Variants in STAG1 observed in about 807,000 individuals in gnomAD.
The protein encoded by STAG1 is cohesin subunit SA-1.
In STAG1, 26 loss-of-function variants were observed where a neutral mutation model predicts 170.9. The ratio of observed to expected loss-of-function variants is 0.15; its 90% CI spans 0.11 to 0.21. The LOEUF is 0.21. Ranked by LOEUF, STAG1 falls within the 10% of genes least tolerant of loss-of-function variation. The pLI is 1.00. For synonymous variants in STAG1, 514 were observed against 497.7 expected, an observed-to-expected ratio of 1.03 and a Z score of -0.44; for missense variants, 964 against 1,509.5, an observed-to-expected ratio of 0.64 and a Z score of 5.99.
chr3:136,494,237 C>G (rs757877663), intron 9 of STAG1, among the ~76,000 whole-genome samples: 25 of 152,094 alleles, frequency 1.6e-4, no homozygotes, highest in Non-Finnish European at 2.5e-4. Flanking sequence ...TGCCACTGCA[C>G]TCCAGGCAGG....
In STAG1 at chr3:136,551,428, A is replaced by ATTTTTTTT. The variant is rs57299539; in HGVS notation, c.395-9241_395-9234dup. ...AGGCAGGCATCAATACATCTGGCTA[A>ATTTTTTTT]TTTTTTTTTTTTTTTGGCAGGGGGA... On this transcript the variant is annotated intron_variant, in intron 5 of 33. Coordinates refer to ENST00000383202, the MANE Select transcript of STAG1 (RefSeq NM_005862.3). 5.5e-3 allele frequency among the ~76,000 whole-genome samples: 643 copies of ATTTTTTTT among 117,458 alleles called. 31 individuals are homozygous for ATTTTTTTT. The highest frequency in any genetic ancestry group is 0.018 in the African/African-American group (545 of 29,792). 77.1% of individuals were successfully genotyped at this position (117,458 alleles called of 152,430 possible).
chr3:136,748,734 G>A (rs1015338121), intron 1 of STAG1, among the ~76,000 whole-genome samples: 1 of 152,040 alleles, frequency 6.6e-6, no homozygotes, highest in African/African-American at 2.4e-5. Context: ...TTTTTAAAAA[G>A]GTGTTCTTAG....
chr3:136,400,081 T>A (rs1436650015), intron 21 of STAG1, among the ~76,000 whole-genome samples: 1 of 151,394 alleles, frequency 6.6e-6, no homozygotes, highest in Non-Finnish European at 1.5e-5. Context: ...CACCACCACA[T>A]CTGGTTAATT....
intron 14 of STAG1, among the ~76,000 whole-genome samples, chr3:136,444,090 T>C (rs571465849): frequency 7.9e-5 from 12 of 152,252 alleles, no homozygotes; most frequent in African/African-American, 2.2e-4. Flanking sequence ...TTTTTTTTTT[T>C]TGAGATGGAG....
chr3:136,626,776 T>C (rs1168164597), intron 2 of STAG1, among the ~76,000 whole-genome samples: 1 of 152,188 alleles, frequency 6.6e-6, no homozygotes, highest in Non-Finnish European at 1.5e-5. Context: ...AAAAACCTTG[T>C]AAGAAGCATG....
chr3:136,565,043 A>C (rs1395537757), intron 5 of STAG1, among the ~76,000 whole-genome samples: 1 of 6,882 alleles, frequency 1.5e-4, no homozygotes, highest in Non-Finnish European at 2.5e-4. Flanking sequence ...GGCAGGCAGA[A>C]GGGAGGGAGG....
At chr3:136,406,384 C>T (rs1009749433) in intron 21 of STAG1, among the ~76,000 whole-genome samples, 1 of 152,100 alleles carries the variant, frequency 6.6e-6, no homozygotes, top group African/African-American at 2.4e-5. Context: ...CACTGATGTC[C>T]AGGAGCTTCA....
At chr3:136,604,560 C>G in intron 3 of STAG1, 87 bp from the exon 4 acceptor site, 1 of 1,163,770 alleles carries the variant, frequency 8.6e-7, no homozygotes, top group Non-Finnish European at 1.2e-6. Context: ...AAATATAATC[C>G]CTAACCAAAA....
chr3:136,435,915 G>A (rs937946890), intron 15 of STAG1, among the ~76,000 whole-genome samples: 8 of 151,876 alleles, frequency 5.3e-5, no homozygotes, highest in Non-Finnish European at 1.0e-4. Flanking sequence ...TGATCCACCC[G>A]TCTTGGCCTA....
At chr3:136,445,786 T>C (rs2088761110) in intron 14 of STAG1, among the ~76,000 whole-genome samples, 1 of 152,232 alleles carries the variant, frequency 6.6e-6, no homozygotes, top group Admixed American at 6.5e-5. Context: ...TTCTGGTTTA[T>C]CTTGTACTGA....
intron 1 of STAG1, among the ~76,000 whole-genome samples, chr3:136,723,754 C>A: frequency 1.4e-5 from 2 of 143,410 alleles, no homozygotes; most frequent in African/African-American, 5.2e-5. Flanking sequence ...CCCCTCTGCC[C>A]GGCCAGCCGC....
chr3:136,685,569 C>T (rs4402873), intron 1 of STAG1, among the ~76,000 whole-genome samples: 57,671 of 152,050 alleles, frequency 0.38, 12,192 homozygotes, highest in African/African-American at 0.57. Context: ...GCAACCAAGA[C>T]GTCCTTCGGT....
rs57934830 is a variant in STAG1 at position 136,377,386 on chromosome 3, C to CAAAAAAAAAAAAAAAAAAAA, written c.2370+273_2370+274insTTTTTTTTTTTTTTTTTTTT. ...TGGGCGACAGAGCGAGACTCTGTCT[C>CAAAAAAAAAAAAAAAAAAAA]AAAAAAAAAAAAAAAAAAAGTCTAC... On this transcript the variant is annotated intron_variant, in intron 23 of 33. Transcript: ENST00000383202. Among the ~76,000 whole-genome samples the CAAAAAAAAAAAAAAAAAAAA allele has an allele frequency of 4.7e-5, 2 of 42,572 alleles. 1 individual carries two copies. The highest frequency in any genetic ancestry group is 2.5e-4 in the African/African-American group (2 of 8,126). 27.9% of individuals were successfully genotyped at this position (42,572 alleles called of 152,430 possible). A position where few individuals can be genotyped will look rare whatever the true frequency, so the allele number is the denominator to read the frequency against.
chr3:136,699,661 A>C (rs1942992893), intron 1 of STAG1, among the ~76,000 whole-genome samples: 1 of 152,020 alleles, frequency 6.6e-6, no homozygotes, highest in Admixed American at 6.6e-5. Flanking sequence ...TTCTAAGTGA[A>C]GTAACTCAGG....
chr3:136,493,926 CAT>C (rs1932927179), intron 9 of STAG1, among the ~76,000 whole-genome samples: 1 of 152,100 alleles, frequency 6.6e-6, no homozygotes, highest in African/African-American at 2.4e-5. Context: ...ATGAAATAGA[CAT>C]ATTGCCTGAG....
chr3:136,436,883 A>G (rs1576464295), intron 15 of STAG1, among the ~76,000 whole-genome samples: 1 of 152,370 alleles, frequency 6.6e-6, no homozygotes, highest in East Asian at 1.9e-4. Context: ...TGTCTTTTAA[A>G]AAAACACATG....
chr3:136,714,942 T>TATATATATATATATATATTAA (rs1559967496), intron 1 of STAG1, among the ~76,000 whole-genome samples: 19 of 35,800 alleles, frequency 5.3e-4, no homozygotes, highest in African/African-American at 1.8e-3. Flanking sequence ...ATATTAAATA[T>TATATATATATATATATATTAA]ATATATATAT....
intron 1 of STAG1, among the ~76,000 whole-genome samples, chr3:136,738,727 CAT>C (rs1423199550): frequency 6.6e-6 from 1 of 152,266 alleles, no homozygotes; most frequent in East Asian, 1.9e-4. Flanking sequence ...TATTGCACCA[CAT>C]GATAGCTATA....
chr3:136,497,758 G>A (rs1332094584), intron 9 of STAG1, among the ~76,000 whole-genome samples: 1 of 151,840 alleles, frequency 6.6e-6, no homozygotes, highest in Non-Finnish European at 1.5e-5. Context: ...GGGAGGCTGA[G>A]GCAGGAGAAT....
Sources: allele counts gnomAD v4.1 joint callset (sites outside exome capture counted in the v4.1 genomes callset), GRCh38; gene constraint gnomAD v4.1.1; transcripts MANE v1.5; gene names NCBI Gene and HGNC (gene_info 2026-07-23, HGNC 2026-07-21).